Variants in SPECC1 observed in about 807,000 individuals in gnomAD.
SPECC1 encodes the protein cytospin-B.
Under a neutral mutation model 104.1 loss-of-function variants are expected in SPECC1, and 62 were observed. The ratio of observed to expected loss-of-function variants is 0.60; its 90% confidence interval spans 0.49 to 0.74. The LOEUF is 0.74. SPECC1 is among the 30% of genes least tolerant of loss of function. SPECC1 has a pLI of 0.00. For synonymous variants in SPECC1, 513 were observed against 501.6 expected, an observed-to-expected ratio of 1.02 and a Z score of -0.30; for missense variants, 1,306 against 1,310.5, an observed-to-expected ratio of 1.00 and a Z score of 0.05.
intron 1 of SPECC1, among the ~76,000 whole-genome samples, chr17:20,022,846 G>A (rs1449687371): frequency 6.6e-6 from 1 of 152,238 alleles, no homozygotes; most frequent in Non-Finnish European, 1.5e-5. Flanking sequence ...ACATGGTTAT[G>A]GAGTGGGTGG....
chr17:20,114,491 G>GTT (rs74790706), intron 3 of SPECC1, among the ~76,000 whole-genome samples: 3 of 134,240 alleles, frequency 2.2e-5, no homozygotes, highest in East Asian at 2.1e-4. Context: ...CGCCCAGCCT[G>GTT]TTTTTTTTTT....
intron 5 of SPECC1, among the ~76,000 whole-genome samples, chr17:20,231,331 C>T (rs2151476607): frequency 6.6e-6 from 1 of 152,266 alleles, no homozygotes. Context: ...TTACAAATCA[C>T]AGGAGGAATA....
At chr17:20,083,738 T>C (rs1229336783) in intron 1 of SPECC1, among the ~76,000 whole-genome samples, 1 of 152,232 alleles carries the variant, frequency 6.6e-6, no homozygotes, top group Non-Finnish European at 1.5e-5. Flanking sequence ...ACAAATTTTA[T>C]TTCTCTTGGA....
chr17:20,311,105 T>A (rs1009851648), intron 14 of SPECC1, among the ~76,000 whole-genome samples: 27 of 130,848 alleles, frequency 2.1e-4, no homozygotes, highest in African/African-American at 8.1e-4. Flanking sequence ...AGTGGGGTTT[T>A]TTTTTTTTTT....
At chr17:20,127,279 A>G (rs567588481) in intron 3 of SPECC1, among the ~76,000 whole-genome samples, 2 of 152,264 alleles carry the variant, frequency 1.3e-5, no homozygotes, top group African/African-American at 2.4e-5. Context: ...TTTACTTGGA[A>G]TCCTCAGCTG....
At chr17:20,160,346 A>G (rs1298450070) in intron 3 of SPECC1, among the ~76,000 whole-genome samples, 1 of 152,090 alleles carries the variant, frequency 6.6e-6, no homozygotes, top group East Asian at 1.9e-4. Context: ...GGAGAGGAGA[A>G]GGCGTGTGGA....
intron 3 of SPECC1, among the ~76,000 whole-genome samples, chr17:20,154,724 G>GGGCA (rs2032305973): frequency 6.6e-6 from 1 of 152,228 alleles, no homozygotes; most frequent in Non-Finnish European, 1.5e-5. Context: ...AAAGAGGCAA[G>GGGCA]GGCAGGAGAA....
chr17:20,106,891 C>T (rs1300051754), intron 2 of SPECC1, among the ~76,000 whole-genome samples: 3 of 151,764 alleles, frequency 2.0e-5, no homozygotes, highest in Admixed American at 1.3e-4. Context: ...GCGTGGTGGC[C>T]CACGCCTGTA....
At chr17:20,229,626 A>G (rs763254377) in intron 5 of SPECC1, among the ~76,000 whole-genome samples, 4 of 152,170 alleles carry the variant, frequency 2.6e-5, no homozygotes, top group Non-Finnish European at 2.9e-5. Flanking sequence ...GTGAACCAAG[A>G]TTGTGCCACT....
intron 1 of SPECC1, among the ~76,000 whole-genome samples, chr17:20,078,720 T>C (rs146814056): frequency 1.6e-4 from 24 of 152,298 alleles, no homozygotes; most frequent in Admixed American, 1.6e-3. Flanking sequence ...AACATATTTA[T>C]GTTAAAAATT....
At chr17:20,194,458 C>T (rs925897952) in intron 3 of SPECC1, among the ~76,000 whole-genome samples, 2 of 147,290 alleles carry the variant, frequency 1.4e-5, no homozygotes, top group Non-Finnish European at 3.0e-5. Flanking sequence ...ACCTTGGTAA[C>T]ATAACCAATT....
chr17:20,072,600 C>T (rs1297220073), intron 1 of SPECC1, among the ~76,000 whole-genome samples: 2 of 152,310 alleles, frequency 1.3e-5, no homozygotes, highest in African/African-American at 2.4e-5. Flanking sequence ...CAGGCCAGGC[C>T]GGCTCTGAAC....
At chr17:20,172,289 G>T (rs1213761941) in intron 3 of SPECC1, among the ~76,000 whole-genome samples, 1 of 152,194 alleles carries the variant, frequency 6.6e-6, no homozygotes, top group Admixed American at 6.5e-5. Flanking sequence ...TCCTCCATGG[G>T]TTGACTGCAA....
At chr17:20,247,998 C>G (rs1462334530) in intron 9 of SPECC1, among the ~76,000 whole-genome samples, 13 of 152,174 alleles carry the variant, frequency 8.5e-5, no homozygotes, top group Non-Finnish European at 1.5e-5. Context: ...ATCGGGAAGT[C>G]TTTCTCTAAG....
chr17:20,069,315 A>AT (rs1212804164), intron 1 of SPECC1, among the ~76,000 whole-genome samples: 1 of 151,784 alleles, frequency 6.6e-6, no homozygotes, highest in African/African-American at 2.4e-5. Flanking sequence ...ATGTCCTTTC[A>AT]TTTTCTTGAT....
intron 1 of SPECC1, among the ~76,000 whole-genome samples, chr17:20,082,957 T>TGTTA (rs1555603369): frequency 6.8e-6 from 1 of 147,640 alleles, no homozygotes; most frequent in Non-Finnish European, 1.5e-5. Flanking sequence ...TGTCCTTTGG[T>TGTTA]GTTCGTTCGT....
chr17:20,307,965 A>G (rs949201552), intron 14 of SPECC1, among the ~76,000 whole-genome samples: 1 of 152,240 alleles, frequency 6.6e-6, no homozygotes, highest in Non-Finnish European at 1.5e-5. Flanking sequence ...TAAAAATACA[A>G]CCTAGTAGGA....
intron 3 of SPECC1, among the ~76,000 whole-genome samples, chr17:20,177,435 A>G (rs1166869339): frequency 6.6e-6 from 1 of 152,222 alleles, no homozygotes; most frequent in Non-Finnish European, 1.5e-5. Flanking sequence ...TCAAGAAAAT[A>G]AAATCATTCA....
chr17:20,204,429 A>T lies in SPECC1; in HGVS notation c.380A>T (p.Asn127Ile), dbSNP rs759710822. 3.7e-6 allele frequency: 6 copies of T among 1,613,896 alleles called. No individual in the cohort carries two copies. The African/African-American group carries it at 8.0e-5, about 22-fold the overall frequency. Reference protein sequence around the residue: ...RERSVPRGPSNPRKSVSSPTS... With the variant: ...RERSVPRGPSIPRKSVSSPTS... ...AGGTCTGTGCCACGTGGTCCCTCCAACCCCAGGAAATCAGTGTCCAGTCCA... is the reference window on the plus strand; with the variant it reads ...AGGTCTGTGCCACGTGGTCCCTCCATCCCCAGGAAATCAGTGTCCAGTCCA... The change falls in exon 4 of 15, where the codon AAC becomes ATC. Residue 127 changes from asparagine (N) to isoleucine (I), a missense_variant. By Grantham distance (149) the Asn-to-Ile change is moderately radical (BLOSUM62 -3). This residue lies in a region of SPECC1 where 1,177 missense variants were observed against 1,139.9 expected (regional missense o/e 1.03). Coordinates refer to ENST00000395527, the MANE Select transcript of SPECC1 (RefSeq NM_001243439.2).
Sources: allele counts gnomAD v4.1 joint callset (sites outside exome capture counted in the v4.1 genomes callset), GRCh38; gene constraint gnomAD v4.1.1; regional missense constraint gnomAD v4.1.1; transcripts MANE v1.5; gene names NCBI Gene and HGNC (gene_info 2026-07-23, HGNC 2026-07-21).